The following SGTB variants were observed in gnomAD, a reference collection of about 807,000 sequenced individuals.
SGTB encodes small glutamine-rich tetratricopeptide repeat-containing protein beta.
A neutral mutation model predicts 43.9 loss-of-function variants in SGTB; 19 were observed. The ratio of observed to expected loss-of-function variants is 0.43; its 90% CI spans 0.30 to 0.63. The LOEUF is 0.63. Ranked by LOEUF, SGTB falls within the 30% of genes least tolerant of loss-of-function variation. The probability of loss-of-function intolerance (pLI) is 0.12; values close to 1 mark genes in which losing one functional copy is unlikely to be tolerated. For missense variants in SGTB, 304 were observed against 358.9 expected, an observed-to-expected ratio of 0.85 and a Z score of 1.24; for synonymous variants, 116 against 117.3, an observed-to-expected ratio of 0.99 and a Z score of 0.07.
At chr5:65,722,519 C>CGTCG, upstream of SGTB, 1 of 1,078,154 alleles carries the variant, frequency 9.3e-7, no homozygotes, top group African/African-American at 1.6e-5. Flanking sequence ...GCCTCTCCGA[C>CGTCG]GCTCCCGGGA....
chr5:65,694,198 G>A (rs1385314445), intron 5 of SGTB, among the ~76,000 whole-genome samples: 2 of 152,052 alleles, frequency 1.3e-5, no homozygotes, highest in Non-Finnish European at 2.9e-5. Context: ...GGGAGGCCGA[G>A]ACGGGTGGAT....
chr5:65,707,489 C>G (rs1168096923), intron 4 of SGTB, among the ~76,000 whole-genome samples: 1 of 148,352 alleles, frequency 6.7e-6, no homozygotes, highest in Non-Finnish European at 1.5e-5. Flanking sequence ...GGTTGGAGTA[C>G]AGTGGCGTGA....
chr5:65,706,756 T>TG, intron 4 of SGTB, among the ~76,000 whole-genome samples: 1 of 150,396 alleles, frequency 6.6e-6, no homozygotes, highest in African/African-American at 2.4e-5. Context: ...CACTTGAACC[T>TG]GGGAGGCAGA....
At chr5:65,681,802 C>G (rs1757402356) in intron 6 of SGTB, among the ~76,000 whole-genome samples, 1 of 152,000 alleles carries the variant, frequency 6.6e-6, no homozygotes, top group African/African-American at 2.4e-5. Flanking sequence ...TGGTGAAGCC[C>G]TGTCTCTACT....
intron 4 of SGTB, among the ~76,000 whole-genome samples, chr5:65,708,225 G>A (rs1194891589): frequency 2.6e-5 from 4 of 152,134 alleles, no homozygotes; most frequent in South Asian, 2.1e-4. Context: ...AGCAAAAACC[G>A]AAGCAATTCG....
At chr5:65,690,730 G>A (rs533387525) in intron 5 of SGTB, among the ~76,000 whole-genome samples, 83 of 152,278 alleles carry the variant, frequency 5.5e-4, no homozygotes, top group Middle Eastern at 3.4e-3. Context: ...AAGTTCAGAA[G>A]TTAAACCTAC....
intron 5 of SGTB, 64 bp from the exon 6 acceptor site, chr5:65,685,536 G>T: frequency 1.5e-6 from 2 of 1,377,034 alleles, no homozygotes; most frequent in Non-Finnish European, 2.1e-6. Flanking sequence ...AGATTTTCAG[G>T]TACTAATAAT....
rs1037468339 is a variant in SGTB, at chr5:65,708,549, G to A, written c.214C>T (p.Leu72=). 8 of 1,612,404 alleles carry A rather than the reference G, an allele frequency of 5.0e-6. No homozygotes were observed. In the African/African-American group the frequency reaches 6.7e-5, roughly 13 times the overall value. Residue 72 remains leucine (L), a synonymous_variant, in exon 4 of 11, where the codon CTG becomes TTG. Transcript: ENST00000381007. The part of the protein sequence containing the change: ...FTSSFCKNDV[L]PLSNSVPEDV... ...TCAGGCACTGAGTTTGAAAGGGGCA[G>A]AACGTCATTCTGAAATTAAATAAAA...
At chr5:65,681,143 G>A (rs1374177289) in intron 6 of SGTB, among the ~76,000 whole-genome samples, 1 of 152,062 alleles carries the variant, frequency 6.6e-6, no homozygotes, top group African/African-American at 2.4e-5. Flanking sequence ...CAATCATGTG[G>A]TCACATAAAT....
At chr5:65,708,368 G>T in intron 4 of SGTB, 121 bp downstream of exon 4, 1 of 748,834 alleles carries the variant, frequency 1.3e-6, no homozygotes, top group Non-Finnish European at 2.1e-6. Flanking sequence ...TTTCGTAATT[G>T]CCATGTGCAC....
chr5:65,700,987 G>A (rs1173032351), intron 5 of SGTB, among the ~76,000 whole-genome samples: 1 of 118,540 alleles, frequency 8.4e-6, no homozygotes, highest in East Asian at 2.4e-4. Flanking sequence ...TCCAGCCTGG[G>A]CAACAGAGCA....
In SGTB at chr5:65,671,993, G is replaced by A; in HGVS notation, c.725C>T (p.Ser242Leu). The A allele has an allele frequency of 6.2e-7, 1 of 1,613,842 alleles. No homozygotes were observed. The highest frequency in any genetic ancestry group is 1.1e-5 in the South Asian group (1 of 91,066). ...CCCAATGGCATTTGTCATCATTCCTGACATTCTAGAGTACACAAGAAATAC... is the reference window on the plus strand; with the variant it reads ...CCCAATGGCATTTGTCATCATTCCTAACATTCTAGAGTACACAAGAAATAC... The part of the protein sequence containing the change: ...MQNPQVQQLM[S>L]GMMTNAIGGP... Residue 242 changes from serine to leucine, a missense_variant, in exon 10 of 11, where the codon TCA becomes TTA. Ser to Leu is a moderately radical substitution (Grantham distance 145, BLOSUM62 -2). Coordinates refer to ENST00000381007, the MANE Select transcript of SGTB (RefSeq NM_019072.3).
rs558551529 is a variant in SGTB at position 65,694,510 on chromosome 5, T to C, written c.375-9038A>G. On this transcript the variant is annotated intron_variant, in intron 5 of 10. Transcript: ENST00000381007. ...TGTTTTTTGAGACAGAGTTTCGCTC[T>C]TGTAGCTCAGGCTGGAGTGTAGTGA... Among the ~76,000 whole-genome samples the C allele has an allele frequency of 1.4e-4, 21 of 152,294 alleles. No individual in the cohort carries two copies. The East Asian group carries it at 1.5e-3, about 11-fold the overall frequency.
chr5:65,720,081 C>CTTTTTTTTTTTT (rs11312137), intron 2 of SGTB, among the ~76,000 whole-genome samples: 46 of 124,920 alleles, frequency 3.7e-4, no homozygotes, highest in East Asian at 6.7e-4. Flanking sequence ...TTTTCTTTTT[C>CTTTTTTTTTTTT]TTTTTTTTTT....
At chr5:65,717,959 C>A (rs1264710871) in intron 2 of SGTB, among the ~76,000 whole-genome samples, 2 of 151,792 alleles carry the variant, frequency 1.3e-5, no homozygotes, top group African/African-American at 2.4e-5. Context: ...TAATTATCAA[C>A]CATGGAATTT....
At chr5:65,722,688 C>A, upstream of SGTB, 1 of 487,398 alleles carries the variant, frequency 2.1e-6, no homozygotes, top group South Asian at 2.6e-5. Flanking sequence ...CAGACGCGGC[C>A]CAAAATGAAT....
intron 5 of SGTB, among the ~76,000 whole-genome samples, chr5:65,701,746 C>A (rs764562938): frequency 4.6e-5 from 7 of 151,608 alleles, no homozygotes; most frequent in Non-Finnish European, 1.0e-4. Flanking sequence ...CATTCTCCTG[C>A]CTCAGCCTCC....
intron 5 of SGTB, among the ~76,000 whole-genome samples, chr5:65,701,807 G>T (rs1269722391): frequency 1.1e-4 from 17 of 151,998 alleles, no homozygotes; most frequent in Non-Finnish European, 1.5e-5. Flanking sequence ...TAATTCCTTT[G>T]AATTTTTAGT....
chr5:65,703,030 A>G (rs1385943589), intron 5 of SGTB, among the ~76,000 whole-genome samples: 3 of 152,250 alleles, frequency 2.0e-5, no homozygotes, highest in Non-Finnish European at 4.4e-5. Context: ...AATTTTAAAA[A>G]TAATTTGCAC....
Sources: allele counts gnomAD v4.1 joint callset (sites outside exome capture counted in the v4.1 genomes callset), GRCh38; gene constraint gnomAD v4.1.1; transcripts MANE v1.5; gene names NCBI Gene and HGNC (gene_info 2026-07-23, HGNC 2026-07-21).